The following AFAP1L2 variants were observed in gnomAD, a reference collection of about 807,000 sequenced individuals.
AFAP1L2 encodes actin filament associated protein 1 like 2, also known as actin filament-associated protein 1-like 2.
In AFAP1L2, 46 loss-of-function variants were observed where a neutral mutation model predicts 99.3. That is an observed-to-expected ratio of 0.46 (90% confidence interval 0.37 to 0.59). The LOEUF (loss-of-function observed/expected upper bound fraction) is 0.59, where lower values mean the gene tolerates loss of function less well. Among genes scored for constraint, AFAP1L2 ranks in the 20% least tolerant of loss-of-function variants. AFAP1L2 has a pLI of 0.00. For missense variants in AFAP1L2, 959 were observed against 1,034.9 expected, an observed-to-expected ratio of 0.93 and a Z score of 1.01; for synonymous variants, 397 against 419.1, an observed-to-expected ratio of 0.95 and a Z score of 0.64.
At chr10:114,384,053 A>G (rs994984410) in intron 1 of AFAP1L2, among the ~76,000 whole-genome samples, 4 of 152,162 alleles carry the variant, frequency 2.6e-5, no homozygotes, top group Non-Finnish European at 5.9e-5. Context: ...AGGATGCAAC[A>G]ACATGGTCTG....
intron 17 of AFAP1L2, 51 bp from the exon 18 acceptor site, chr10:114,297,151 A>AGC: frequency 1.2e-5 from 14 of 1,164,504 alleles, no homozygotes; most frequent in Middle Eastern, 2.2e-4. Flanking sequence ...GGGAGATGTG[A>AGC]CCCACCCACC....
chr10:114,352,820 G>A (rs574100181), intron 1 of AFAP1L2, among the ~76,000 whole-genome samples: 1 of 152,300 alleles, frequency 6.6e-6, no homozygotes, highest in East Asian at 1.9e-4. Context: ...CCACTGCTCC[G>A]ACAGCCACAA....
rs575838374 is a variant in AFAP1L2, at chr10:114,319,991, G to A, written c.406+3180C>T. On this transcript the variant is annotated intron_variant, in intron 5 of 18. Coordinates refer to ENST00000304129, the MANE Select transcript of AFAP1L2 (RefSeq NM_001001936.3). ...GCTCTCTCTTTGCAGAGGATTTTGC[G>A]TCCCTCGAGGGTGGCCGAGACAAAC... Among the ~76,000 whole-genome samples, 117 of 152,250 alleles carry A rather than the reference G, an allele frequency of 7.7e-4. No individual in the cohort carries two copies. In the Middle Eastern group the frequency reaches 0.017, roughly 22 times the overall value.
the AFAP1L2 span, chr10:114,289,688 C>T: frequency 6.4e-6 from 4 of 623,738 alleles, no homozygotes; most frequent in East Asian, 2.8e-5. Context: ...ATTTAAGGTA[C>T]AGAAAGTTTA....
chr10:114,331,147 C>A (rs890926988), intron 4 of AFAP1L2, among the ~76,000 whole-genome samples: 1 of 151,646 alleles, frequency 6.6e-6, no homozygotes, highest in African/African-American at 2.4e-5. Flanking sequence ...TGCTAAGGAA[C>A]GGGATTTTTT....
intron 2 of AFAP1L2, among the ~76,000 whole-genome samples, chr10:114,338,144 G>T (rs914041868): frequency 1.3e-5 from 2 of 152,210 alleles, no homozygotes; most frequent in African/African-American, 4.8e-5. Flanking sequence ...CTTATTCAGA[G>T]AATAGAAACT....
chr10:114,289,300 G>A, the AFAP1L2 span: 869 of 1,613,980 alleles, frequency 5.4e-4, 3 homozygotes, highest in African/African-American at 8.9e-3. Flanking sequence ...CGGGAGAGGC[G>A]CAGAGGATGC....
chr10:114,309,100 A>G (rs1051723136), intron 8 of AFAP1L2, among the ~76,000 whole-genome samples: 2 of 152,090 alleles, frequency 1.3e-5, no homozygotes, highest in Non-Finnish European at 2.9e-5. Flanking sequence ...GAATATTCCA[A>G]TCAAGCTGCG....
chr10:114,376,407 G>T (rs2054803592), intron 1 of AFAP1L2, among the ~76,000 whole-genome samples: 1 of 152,182 alleles, frequency 6.6e-6, no homozygotes, highest in East Asian at 1.9e-4. Context: ...CCAATTAAGA[G>T]AACTAAACTT....
chr10:114,333,127 CT>C, intron 3 of AFAP1L2, 93 bp downstream of exon 3: 1 of 1,183,402 alleles, frequency 8.5e-7, no homozygotes, highest in Non-Finnish European at 1.2e-6. Context: ...TGTGTGCCGG[CT>C]GGGAGGAAAG....
At chr10:114,286,077 G>GA in the AFAP1L2 span, 1 of 1,614,124 alleles carries the variant, frequency 6.2e-7, no homozygotes, top group Non-Finnish European at 8.5e-7. Context: ...GAGGACTCTC[G>GA]GGCCCGAGTG....
At chr10:114,328,869 C>T (rs1274470617) in intron 4 of AFAP1L2, among the ~76,000 whole-genome samples, 3 of 152,204 alleles carry the variant, frequency 2.0e-5, no homozygotes, top group Non-Finnish European at 4.4e-5. Flanking sequence ...CCACCTACAT[C>T]CCCACACCAC....
intron 1 of AFAP1L2, 142 bp downstream of exon 1, chr10:114,404,298 C>T (rs1391596116): frequency 2.0e-6 from 2 of 1,018,200 alleles, no homozygotes; most frequent in Admixed American, 4.1e-5. Context: ...CTGTCGCCCC[C>T]TCTTAGGCCC....
At chr10:114,374,169 A>G (rs1371071466) in intron 1 of AFAP1L2, among the ~76,000 whole-genome samples, 2 of 152,088 alleles carry the variant, frequency 1.3e-5, no homozygotes, top group South Asian at 2.1e-4. Context: ...CGGTTATTTC[A>G]TAGACTTTTA....
intron 1 of AFAP1L2, among the ~76,000 whole-genome samples, chr10:114,361,348 G>C (rs1274297356): frequency 6.6e-6 from 1 of 152,176 alleles, no homozygotes; most frequent in African/African-American, 2.4e-5. Context: ...GCAAGTTTCT[G>C]TCTGGGAAGG....
At chr10:114,376,651 A>T (rs1476460452) in intron 1 of AFAP1L2, among the ~76,000 whole-genome samples, 1 of 152,208 alleles carries the variant, frequency 6.6e-6, no homozygotes, top group Non-Finnish European at 1.5e-5. Context: ...CAAAAGCCAC[A>T]AGGAAGAGCA....
chr10:114,306,444 C>G (rs2042470734), intron 10 of AFAP1L2, among the ~76,000 whole-genome samples: 1 of 135,750 alleles, frequency 7.4e-6, no homozygotes, highest in Admixed American at 7.8e-5. Flanking sequence ...CCCAGATTCT[C>G]AGCTTCAGAA....
chr10:114,373,291 G>A lies in AFAP1L2; in HGVS notation c.16+31149C>T, dbSNP rs556913479. Among the ~76,000 whole-genome samples, 16 of 152,082 alleles carry A rather than the reference G, an allele frequency of 1.1e-4. No homozygotes were observed. In the South Asian group the frequency reaches 3.3e-3, roughly 32 times the overall value. On this transcript the variant is annotated intron_variant, in intron 1 of 18. Coordinates refer to ENST00000304129, the MANE Select transcript of AFAP1L2 (RefSeq NM_001001936.3). ...CTTATTTTGCAAAATTTGCATTACA[G>A]GAAATGCATGTCAACGAGGAAAATC...
At chr10:114,305,541 G>A (rs2042111758) in intron 10 of AFAP1L2, among the ~76,000 whole-genome samples, 1 of 129,116 alleles carries the variant, frequency 7.7e-6, no homozygotes, top group African/African-American at 3.0e-5. Context: ...GAGGGGTTGG[G>A]GCTGCAGGAG....
Sources: allele counts gnomAD v4.1 joint callset (sites outside exome capture counted in the v4.1 genomes callset), GRCh38; gene constraint gnomAD v4.1.1; transcripts MANE v1.5; gene names NCBI Gene and HGNC (gene_info 2026-07-23, HGNC 2026-07-21).